PHEX: variants seen among roughly 807,000 people sequenced by gnomAD.
PHEX encodes the protein phosphate-regulating neutral endopeptidase PHEX.
Under a neutral mutation model 68.0 loss-of-function variants are expected in PHEX, and 16 were observed. That is an observed-to-expected ratio of 0.24 (90% CI 0.16 to 0.36). The LOEUF (loss-of-function observed/expected upper bound fraction) is 0.36. PHEX is among the 10% of genes least tolerant of loss of function. The pLI, the probability that PHEX is intolerant of heterozygous loss-of-function variation, is 1.00. For synonymous variants in PHEX, 208 were observed against 205.1 expected (o/e 1.01, Z -0.12); for missense variants, 480 against 575.5 (o/e 0.83, Z 1.70).
chrX:22,119,929 G>A (rs1338020644), intron 11 of PHEX, among the ~76,000 whole-genome samples: 5 of 110,898 alleles, frequency 4.5e-5, no homozygotes, highest in African/African-American at 6.6e-5. Context: ...GCTTATATCT[G>A]TAATGTATAA....
At chrX:22,050,038 C>T (rs1433511035) in intron 3 of PHEX, among the ~76,000 whole-genome samples, 2 of 112,447 alleles carry the variant, frequency 1.8e-5, no homozygotes, top group East Asian at 5.6e-4. Flanking sequence ...CATCCATTCG[C>T]TTATGCATTA....
At chrX:22,219,474 A>C (rs1451982902) in intron 17 of PHEX, among the ~76,000 whole-genome samples, 1 of 112,616 alleles carries the variant, frequency 8.9e-6, no homozygotes, top group African/African-American at 3.2e-5. Context: ...GCTCTGCTCC[A>C]ACGATGATTA....
chrX:22,095,298 C>A (rs1351040248), intron 7 of PHEX, among the ~76,000 whole-genome samples: 1 of 111,978 alleles, frequency 8.9e-6, no homozygotes, highest in Admixed American at 9.5e-5. Flanking sequence ...TAGAGTCTGT[C>A]TGAATTCTCT....
At chrX:22,238,931 G>A (rs2147203585) in intron 20 of PHEX, among the ~76,000 whole-genome samples, 1 of 111,637 alleles carries the variant, frequency 9.0e-6, no homozygotes, top group Non-Finnish European at 1.9e-5. Flanking sequence ...ATCCTGGCTG[G>A]GAGATACCTC....
chrX:22,133,250 G>A (rs1222495806), intron 11 of PHEX, among the ~76,000 whole-genome samples: 1 of 111,437 alleles, frequency 9.0e-6, no homozygotes, highest in African/African-American at 3.3e-5. Flanking sequence ...CAAACTCCTG[G>A]GCTCAAGTGA....
chrX:22,089,753 A>G (rs894781400), intron 5 of PHEX, among the ~76,000 whole-genome samples: 1 of 112,133 alleles, frequency 8.9e-6, no homozygotes, highest in Non-Finnish European at 1.9e-5. Context: ...AAGAATTTAT[A>G]CTATACTTTT....
intron 20 of PHEX, among the ~76,000 whole-genome samples, chrX:22,234,859 C>CAACA (rs747059319): frequency 9.4e-6 from 1 of 106,626 alleles, no homozygotes; most frequent in African/African-American, 3.5e-5. Flanking sequence ...AGAAAAACAA[C>CAACA]AACAATGAAA....
At chrX:22,118,870 A>G (rs1931360815) in intron 11 of PHEX, among the ~76,000 whole-genome samples, 1 of 112,288 alleles carries the variant, frequency 8.9e-6, no homozygotes, top group Admixed American at 9.5e-5. Context: ...TAGCAAATTG[A>G]ATTAGAAATG....
chrX:22,075,384 G>A (rs751102777), intron 3 of PHEX, among the ~76,000 whole-genome samples: 27 of 103,915 alleles, frequency 2.6e-4, no homozygotes, highest in African/African-American at 6.4e-4. Context: ...AATTAGTGCC[G>A]TACATTTTGT....
At chrX:22,218,915 G>A (rs1365607206) in intron 16 of PHEX, 121 bp from the exon 17 acceptor site, 4 of 519,150 alleles carry the variant, frequency 7.7e-6, no homozygotes, top group Non-Finnish European at 1.0e-5. Flanking sequence ...ATGGTTATTC[G>A]ATTGTTATTA....
intron 3 of PHEX, among the ~76,000 whole-genome samples, chrX:22,067,783 A>G (rs1454076337): frequency 9.1e-6 from 1 of 110,036 alleles, no homozygotes; most frequent in African/African-American, 3.3e-5. Flanking sequence ...TGAATTAGAC[A>G]CTCAAGTTAA....
chrX:22,171,228 C>T (rs1933513771), intron 13 of PHEX: 1 of 110,679 alleles, frequency 9.0e-6, no homozygotes, highest in South Asian at 3.9e-4. Context: ...AAACAGGCAC[C>T]TTCTTCACAA....
intron 11 of PHEX, among the ~76,000 whole-genome samples, chrX:22,129,501 C>T (rs754518021): frequency 1.8e-5 from 2 of 111,476 alleles, no homozygotes; most frequent in Admixed American, 9.5e-5. Flanking sequence ...AAAAGACCCA[C>T]GTTTATACTA....
intron 12 of PHEX, among the ~76,000 whole-genome samples, chrX:22,141,748 C>A (rs774162220): frequency 8.9e-6 from 1 of 111,756 alleles, no homozygotes; most frequent in East Asian, 2.8e-4. Context: ...GAAAATAAAG[C>A]ACAACAGTAG....
chrX:22,234,725 C>A (rs1220017031), intron 20 of PHEX, among the ~76,000 whole-genome samples: 1 of 109,281 alleles, frequency 9.2e-6, no homozygotes, highest in African/African-American at 3.3e-5. Context: ...TAGGACCCGC[C>A]AAGCCAGACC....
intron 12 of PHEX, among the ~76,000 whole-genome samples, chrX:22,163,922 T>C (rs1933223498): frequency 8.9e-6 from 1 of 111,865 alleles, no homozygotes. Flanking sequence ...ATACAGGGAA[T>C]TGGAGGCTTA....
At chrX:22,035,384 A>G (rs1324402521) in intron 1 of PHEX, among the ~76,000 whole-genome samples, 1 of 112,041 alleles carries the variant, frequency 8.9e-6, no homozygotes, top group African/African-American at 3.2e-5. Context: ...GATAGTGAAT[A>G]TATTTGGCTC....
At chrX:22,242,992 A>G (rs1021368719) in intron 20 of PHEX, among the ~76,000 whole-genome samples, 1 of 112,057 alleles carries the variant, frequency 8.9e-6, no homozygotes, top group Non-Finnish European at 1.9e-5. Context: ...GGGCAAGAAG[A>G]ACAAAGCTGG....
rs921572266 is a variant in PHEX, at chrX:22,133,538, G to A, written c.1318G>A (p.Glu440Lys). The change falls in exon 12 of 22, where the codon GAG (glutamate) becomes AAG (lysine). Residue 440 changes from glutamate to lysine, a missense_variant. Transcript: ENST00000379374. ...DKKEMMEELV[E>K]GVRWAFIDML... Reference sequence around the variant, plus strand: ...TTTCTTGTAGATGGAGGAATTGGTTGAGGGCGTTCGCTGGGCCTTTATTGA... The same window carrying A: ...TTTCTTGTAGATGGAGGAATTGGTTAAGGGCGTTCGCTGGGCCTTTATTGA... The A allele has an allele frequency of 1.7e-6, 2 of 1,206,977 alleles. No homozygotes were observed. The highest frequency in any genetic ancestry group is 2.2e-6 in the Non-Finnish European group (2 of 891,243).
Sources: allele counts gnomAD v4.1 joint callset (sites outside exome capture counted in the v4.1 genomes callset), GRCh38; gene constraint gnomAD v4.1.1; transcripts MANE v1.5; gene names NCBI Gene and HGNC (gene_info 2026-07-23, HGNC 2026-07-21).